Variants in PRMT9 observed in about 807,000 individuals in gnomAD.
PRMT9 encodes the protein protein arginine N-methyltransferase 9.
Under a neutral mutation model 83.2 loss-of-function variants are expected in PRMT9, and 59 were observed. The observed-to-expected ratio is 0.71, with a 90% CI of 0.57 to 0.88. The LOEUF (loss-of-function observed/expected upper bound fraction) is 0.88, where lower values mean the gene tolerates loss of function less well. Ranked by LOEUF, PRMT9 falls within the 40% of genes least tolerant of loss-of-function variation. The pLI, the probability that PRMT9 is intolerant of heterozygous loss-of-function variation, is 0.00. For missense variants in PRMT9, 947 were observed against 1,021.9 expected, an observed-to-expected ratio of 0.93 and a Z score of 1.00; for synonymous variants, 333 against 353.2, an observed-to-expected ratio of 0.94 and a Z score of 0.64.
Position 147,650,610 on chromosome 4 carries a change from GT to G in PRMT9, c.2045+3241del, listed in dbSNP as rs573331604. Among the ~76,000 whole-genome samples the G allele has an allele frequency of 4.6e-5, 7 of 152,244 alleles. No homozygotes were observed. The East Asian group carries it at 1.2e-3, about 25-fold the overall frequency. ...CAATCCATATCAAAACCCCAAGAGT[GT>G]TTTTTGTAGAAACAGAAAAATTTAC... On this transcript the variant is annotated intron_variant, in intron 9 of 11. Transcript: ENST00000322396.
chr4:147,673,130 C>T lies in PRMT9; in HGVS notation c.576-4G>A. ...TCCAGCTTTTTTAGCAAACATGCTA[C>T]AAGGGAAAAAAGTTCTCCATCAAGA... is the stretch of plus-strand genomic sequence containing the variant. On this transcript the variant is annotated splice_polypyrimidine_tract_variant and splice_region_variant and intron_variant, in intron 3 of 11. Coordinates refer to ENST00000322396, the MANE Select transcript of PRMT9 (RefSeq NM_138364.4). 1 of 1,613,494 alleles carries T rather than the reference C, an allele frequency of 6.2e-7. No individual in the cohort carries two copies. The highest frequency in any genetic ancestry group is 1.1e-5 in the South Asian group (1 of 91,042).
At chr4:147,657,726 T>G in intron 8 of PRMT9, 66 bp downstream of exon 8, 1 of 1,232,098 alleles carries the variant, frequency 8.1e-7, no homozygotes, top group Non-Finnish European at 1.2e-6. Context: ...ATTTTTTTTT[T>G]GCCACTGACT....
In PRMT9 at chr4:147,657,907, T is replaced by TA. The variant is rs1734639248; in HGVS notation, c.1214dup (p.Asp406ArgfsTer12). 6.2e-7 allele frequency: 1 copy of TA among 1,607,176 alleles called. No individual in the cohort carries two copies. Among genetic ancestry groups the TA allele is most frequent in the Non-Finnish European group, 8.5e-7 (1 of 1,177,462 alleles). ...GCACAAACCAAACCATAATAGCATC[T>TA]AGTATGCCTTCTTTAATAACAGGAA... On this transcript the variant is annotated frameshift_variant, in exon 8 of 12. Transcript: ENST00000322396. LOFTEE classifies it high-confidence loss of function.
intron 7 of PRMT9, among the ~76,000 whole-genome samples, chr4:147,660,116 A>AT (rs1482870996): frequency 5.9e-5 from 9 of 152,232 alleles, no homozygotes; most frequent in Admixed American, 6.5e-5. Flanking sequence ...TGATATAGAG[A>AT]TAAGTCAGAA....
chr4:147,653,139 C>T (rs1404342678), intron 9 of PRMT9, among the ~76,000 whole-genome samples: 1 of 152,134 alleles, frequency 6.6e-6, no homozygotes, highest in East Asian at 1.9e-4. Context: ...AATAAGCATA[C>T]AGACCTATCA....
chr4:147,663,176 T>C (rs1735087452), intron 6 of PRMT9, among the ~76,000 whole-genome samples: 1 of 151,474 alleles, frequency 6.6e-6, no homozygotes, highest in Non-Finnish European at 1.5e-5. Flanking sequence ...GCCTGGCTAC[T>C]TTTTTGTATT....
intron 2 of PRMT9, among the ~76,000 whole-genome samples, chr4:147,678,526 G>T (rs979146326): frequency 1.3e-5 from 2 of 152,182 alleles, no homozygotes; most frequent in African/African-American, 2.4e-5. Context: ...CCTTTGAAAG[G>T]CCTGATTACA....
At chr4:147,660,276 A>C (rs1358123100) in intron 7 of PRMT9, among the ~76,000 whole-genome samples, 1 of 152,144 alleles carries the variant, frequency 6.6e-6, no homozygotes, top group Non-Finnish European at 1.5e-5. Flanking sequence ...CTAAGAACAC[A>C]AGTGAAAGCA....
chr4:147,666,141 T>C (rs1202799525), intron 6 of PRMT9, among the ~76,000 whole-genome samples: 1 of 152,252 alleles, frequency 6.6e-6, no homozygotes, highest in African/African-American at 2.4e-5. Context: ...TGTTATCCCA[T>C]TGGTTTTAAT....
intron 6 of PRMT9, among the ~76,000 whole-genome samples, chr4:147,664,533 A>G (rs2126616341): frequency 6.6e-6 from 1 of 152,310 alleles, no homozygotes; most frequent in Admixed American, 6.5e-5. Context: ...ATGTGGTACT[A>G]TATAAGCAAT....
chr4:147,655,034 C>T (rs10015122), intron 8 of PRMT9, among the ~76,000 whole-genome samples: 1,753 of 152,226 alleles, frequency 0.012, 40 homozygotes, highest in African/African-American at 0.04. Flanking sequence ...TCAACAGAAT[C>T]GTATCAGTTA....
rs958502660 is a variant in PRMT9, at chr4:147,673,525, C to A, written c.575+113G>T. 3.0e-5 allele frequency: 24 copies of A among 799,650 alleles called. No homozygotes were observed. The Admixed American group carries it at 4.5e-4, about 15-fold the overall frequency. The allele number at this position is 799,650 out of a possible 1,614,324, so 49.5% of individuals were successfully genotyped here. On this transcript the variant is annotated intron_variant, in intron 3 of 11. Coordinates refer to ENST00000322396, the MANE Select transcript of PRMT9 (RefSeq NM_138364.4). The stretch of plus-strand genomic sequence containing the variant: ...ATAATAGTTACATAAATAACCCTAA[C>A]AAGATTATAAGAAATACTTTTAAAT...
In PRMT9 at chr4:147,684,031, C is replaced by G. The variant is rs774403247; in HGVS notation, c.-44G>C. On this transcript the variant is annotated 5_prime_UTR_variant, in exon 1 of 12. Transcript: ENST00000322396. ...GGCCAAAGGGAAGATATTTTGTAAA[C>G]GTAATTAGAAAACTCTCTCGATGCT... The G allele has an allele frequency of 6.3e-7, 1 of 1,586,374 alleles. No individual in the cohort carries two copies. The highest frequency in any genetic ancestry group is 1.7e-5 in the Admixed American group (1 of 57,200).
intron 9 of PRMT9, among the ~76,000 whole-genome samples, chr4:147,643,678 C>T (rs1018390126): frequency 6.6e-6 from 1 of 152,148 alleles, no homozygotes; most frequent in African/African-American, 2.4e-5. Flanking sequence ...CAACTTAAAC[C>T]ATGTGATTGT....
At chr4:147,653,048 G>A (rs937717141) in intron 9 of PRMT9, among the ~76,000 whole-genome samples, 3 of 152,132 alleles carry the variant, frequency 2.0e-5, no homozygotes, top group African/African-American at 7.2e-5. Context: ...GGATTCATGC[G>A]TGTGTACATG....
chr4:147,678,785 C>G (rs1010471983), intron 2 of PRMT9, among the ~76,000 whole-genome samples: 7 of 152,224 alleles, frequency 4.6e-5, no homozygotes, highest in African/African-American at 1.7e-4. Context: ...TTCACGTGTA[C>G]TGTCATAACT....
At chr4:147,672,127 A>C (rs1279728456) in intron 4 of PRMT9, 3 of 297,504 alleles carry the variant, frequency 1.0e-5, no homozygotes, top group Non-Finnish European at 2.0e-5. Flanking sequence ...TTTCTATAAA[A>C]TGGGTATGAC....
chr4:147,665,914 T>C (rs1735299264), intron 6 of PRMT9, among the ~76,000 whole-genome samples: 1 of 152,236 alleles, frequency 6.6e-6, no homozygotes, highest in Non-Finnish European at 1.5e-5. Flanking sequence ...GTGAACATCC[T>C]TGTACACACA....
At chr4:147,664,233 G>A (rs941905875) in intron 6 of PRMT9, among the ~76,000 whole-genome samples, 6 of 152,196 alleles carry the variant, frequency 3.9e-5, no homozygotes, top group African/African-American at 1.4e-4. Flanking sequence ...ACTTGAGCTT[G>A]GGAGGTCAAG....
Sources: allele counts gnomAD v4.1 joint callset (sites outside exome capture counted in the v4.1 genomes callset), GRCh38; gene constraint gnomAD v4.1.1; transcripts MANE v1.5; gene names NCBI Gene and HGNC (gene_info 2026-07-23, HGNC 2026-07-21).